SMARCA2: variants seen among roughly 807,000 people sequenced by gnomAD.
SMARCA2 encodes SWI/SNF related BAF chromatin remodeling complex subunit ATPase 2, also known as SWI/SNF-related matrix-associated actin-dependent regulator of chromatin subfamily A member 2.
Under a neutral mutation model 199.8 loss-of-function variants are expected in SMARCA2, and 61 were observed. The ratio of observed to expected loss-of-function variants is 0.31; its 90% CI spans 0.25 to 0.38. The LOEUF (loss-of-function observed/expected upper bound fraction) is 0.38, where lower values mean the gene tolerates loss of function less well. SMARCA2 is among the 10% of genes least tolerant of loss of function. SMARCA2 has a pLI of 1.00. For synonymous variants in SMARCA2, 935 were observed against 732.0 expected (o/e 1.28, Z -4.48); for missense variants, 1,344 against 2,012.2 (o/e 0.67, Z 6.35).
intron 19 of SMARCA2, among the ~76,000 whole-genome samples, chr9:2,089,581 A>G (rs1412985844): frequency 1.3e-5 from 2 of 152,166 alleles, no homozygotes; most frequent in African/African-American, 2.4e-5. Flanking sequence ...TCCTTTATGC[A>G]TTGTCAGAAA....
chr9:2,161,296 G>A lies in SMARCA2; in HGVS notation c.3982-390G>A, dbSNP rs188569502. ...ATTGTTTTTTCATAACCCACCCCTCGTTTTGTTTACCTTTTCCTTCCCTTA... is the reference window on the plus strand; with the variant it reads ...ATTGTTTTTTCATAACCCACCCCTCATTTTGTTTACCTTTTCCTTCCCTTA... On this transcript the variant is annotated intron_variant, in intron 27 of 33. Coordinates refer to ENST00000349721, the MANE Select transcript of SMARCA2 (RefSeq NM_003070.5). This position sits in a 1 kb window ranked among gnomAD's most constrained non-coding sequence, Gnocchi z 4.7. 5.3e-5 allele frequency among the ~76,000 whole-genome samples: 8 copies of A among 152,206 alleles called. No homozygotes were observed. The highest frequency in any genetic ancestry group is 1.9e-4 in the East Asian group (1 of 5,186).
chr9:2,033,226 C>A (rs1413115209), intron 3 of SMARCA2, 145 bp downstream of exon 3: 1 of 794,858 alleles, frequency 1.3e-6, no homozygotes, highest in Non-Finnish European at 2.0e-6. Flanking sequence ...AAATCTACCT[C>A]CGTCCTCACC....
At chr9:2,064,977 G>C (rs1332489599) in intron 9 of SMARCA2, among the ~76,000 whole-genome samples, 1 of 152,222 alleles carries the variant, frequency 6.6e-6, no homozygotes, top group African/African-American at 2.4e-5. Flanking sequence ...GAAGTCAGGA[G>C]ATCGAGACCA....
chr9:2,043,737 T>A (rs1819712668), intron 4 of SMARCA2: 3 of 152,184 alleles, frequency 2.0e-5, no homozygotes, highest in African/African-American at 7.2e-5. Context: ...GAGACTTGGG[T>A]ATTTTAATAC....
intron 29 of SMARCA2, among the ~76,000 whole-genome samples, chr9:2,180,436 G>C (rs1269631012): frequency 3.9e-5 from 6 of 152,020 alleles, no homozygotes; most frequent in African/African-American, 1.5e-4. Context: ...TATACAACTG[G>C]GACTGTGGAT....
intron 5 of SMARCA2, among the ~76,000 whole-genome samples, chr9:2,048,745 C>T (rs1208608579): frequency 6.6e-6 from 1 of 152,090 alleles, no homozygotes; most frequent in African/African-American, 2.4e-5. Context: ...ATTGCTATTT[C>T]CACCATTTCA....
chr9:2,148,650 A>T (rs182766157), intron 27 of SMARCA2, among the ~76,000 whole-genome samples: 1 of 151,204 alleles, frequency 6.6e-6, no homozygotes, highest in African/African-American at 2.4e-5. Context: ...TCTGAGACAC[A>T]CGCACATGCC....
chr9:2,086,752 G>C lies in SMARCA2; in HGVS notation c.2527-77G>C. 11 of 1,545,342 alleles carry C rather than the reference G, an allele frequency of 7.1e-6. No individual in the cohort carries two copies. Among genetic ancestry groups the C allele is most frequent in the South Asian group, 1.2e-5 (1 of 86,190 alleles). Reference sequence around the variant, plus strand: ...CCAAGGATGGGTTCTTTGGTTTTCCGCACCACCACTTGCTTGTTGGAAATA... The same window carrying C: ...CCAAGGATGGGTTCTTTGGTTTTCCCCACCACCACTTGCTTGTTGGAAATA... On this transcript the variant is annotated intron_variant, in intron 17 of 33. Coordinates refer to ENST00000349721, the MANE Select transcript of SMARCA2 (RefSeq NM_003070.5). The surrounding 1 kb of genome is among the most constrained non-coding windows in gnomAD (Gnocchi z 4.3).
At chr9:2,105,584 A>G (rs992482752) in intron 23 of SMARCA2, among the ~76,000 whole-genome samples, 1 of 152,154 alleles carries the variant, frequency 6.6e-6, no homozygotes. Context: ...AAATTACGTA[A>G]TGAATGAATG....
chr9:2,175,076 G>A (rs1826483653), intron 29 of SMARCA2, among the ~76,000 whole-genome samples: 2 of 152,054 alleles, frequency 1.3e-5, no homozygotes, highest in African/African-American at 4.8e-5. Context: ...CTACAAGGTG[G>A]GGTGGGAAAA....
In SMARCA2 at chr9:2,081,940, T is replaced by C; in HGVS notation, c.2293T>C (p.Tyr765His). 1 of 1,613,978 alleles carries C rather than the reference T, an allele frequency of 6.2e-7. No individual in the cohort carries two copies. Among genetic ancestry groups the C allele is most frequent in the Non-Finnish European group, 8.5e-7 (1 of 1,179,880 alleles). ...KTIQTIALIT[Y>H]LMEHKRLNGP... ...CATACAGACCATTGCACTCATCACT[T>C]ATCTGATGGAGCACAAAAGACTCAA... is the stretch of plus-strand genomic sequence containing the variant. The change falls in exon 15 of 34, where the codon TAT becomes CAT. Residue 765 changes from tyrosine to histidine, a missense_variant. Physicochemically the swap from Tyr to His is moderately conservative, Grantham distance 83. Around this residue, in one of 18 missense-constraint regions of SMARCA2, gnomAD observed 50 missense variants for 81.6 expected, o/e 0.61. Coordinates refer to ENST00000349721, the MANE Select transcript of SMARCA2 (RefSeq NM_003070.5).
chr9:2,149,617 A>T (rs1279157903), intron 27 of SMARCA2, among the ~76,000 whole-genome samples: 1 of 151,618 alleles, frequency 6.6e-6, no homozygotes, highest in African/African-American at 2.4e-5. Context: ...CGCTCCCATG[A>T]TTCAAATTAT....
Position 2,158,077 on chromosome 9 carries a change from G to A in SMARCA2, c.3982-3609G>A, listed in dbSNP as rs72691203. 9.6e-3 allele frequency among the ~76,000 whole-genome samples: 1,422 copies of A among 147,652 alleles called. 26 individuals are homozygous for A. The highest frequency in any genetic ancestry group is 0.01 in the Non-Finnish European group (696 of 67,402). The stretch of plus-strand genomic sequence containing the variant: ...AACTAATTGAAGAGGGAGCTAGTTT[G>A]CATCTCGTTCTTGCACACCCTGAGT... On this transcript the variant is annotated intron_variant, in intron 27 of 33. Coordinates refer to ENST00000349721, the MANE Select transcript of SMARCA2 (RefSeq NM_003070.5).
Position 2,077,573 on chromosome 9 carries a change from A to G in SMARCA2, c.2037-56A>G, listed in dbSNP as rs538794589. On this transcript the variant is annotated intron_variant, in intron 13 of 33. Coordinates refer to ENST00000349721, the MANE Select transcript of SMARCA2 (RefSeq NM_003070.5). ...CTCAAATCATTTTTTGAGTGAAGTAAAACAACACATGCACGCACATGTCTG... is the reference window on the plus strand; with the variant it reads ...CTCAAATCATTTTTTGAGTGAAGTAGAACAACACATGCACGCACATGTCTG... 142 of 1,561,234 alleles carry G rather than the reference A, an allele frequency of 9.1e-5. No individual in the cohort carries two copies. The South Asian group carries it at 1.6e-3, about 17-fold the overall frequency.
At chr9:2,140,641 A>C (rs752978685) in intron 27 of SMARCA2, among the ~76,000 whole-genome samples, 5 of 152,242 alleles carry the variant, frequency 3.3e-5, no homozygotes, top group Non-Finnish European at 7.3e-5. Flanking sequence ...AGAAGAGTGA[A>C]GAAAGAAACT....
At position 2,193,234 on chromosome 9, in the gene SMARCA2, G is replaced by A. The variant is rs1032836211; in HGVS notation, c.*495G>A. On this transcript the variant is annotated 3_prime_UTR_variant, in exon 34 of 34. Transcript: ENST00000349721. ...GTACATATAAGCAACTTTAATAGGT[G>A]ATAAATGTACAGTAGTTAGATTTCA... 6.5e-6 allele frequency: 1 copy of A among 153,296 alleles called. No homozygotes were observed. Among genetic ancestry groups the A allele is most frequent in the Non-Finnish European group, 1.5e-5 (1 of 68,604 alleles). 9.5% of individuals were successfully genotyped at this position (153,296 alleles called of 1,614,324 possible). A position where few individuals can be genotyped will look rare whatever the true frequency, so the allele number is the denominator to read the frequency against.
chr9:2,102,229 G>A (rs963234827), intron 22 of SMARCA2, among the ~76,000 whole-genome samples: 11 of 151,882 alleles, frequency 7.2e-5, no homozygotes, highest in African/African-American at 1.7e-4. Context: ...TCCCAAGGGC[G>A]GACAGTTTCA....
intron 1 of SMARCA2, among the ~76,000 whole-genome samples, chr9:2,028,195 AG>A (rs1466534922): frequency 6.6e-6 from 1 of 152,194 alleles, no homozygotes; most frequent in Non-Finnish European, 1.5e-5. Context: ...TAACTGTCTG[AG>A]GGGGTCTCTG....
chr9:2,122,815 C>T (rs945145841), intron 26 of SMARCA2, among the ~76,000 whole-genome samples: 6 of 152,110 alleles, frequency 3.9e-5, no homozygotes, highest in South Asian at 2.1e-4. Flanking sequence ...TGACACATCT[C>T]GCTAGTGTTT....
Sources: gnomAD v4.1 joint callset for allele counts (sites outside exome capture counted in the v4.1 genomes callset) on GRCh38, gnomAD v4.1.1 for gene constraint, gnomAD v4.1.1 regional missense constraint, Gnocchi (gnomAD v3.1) non-coding constraint, MANE v1.5 for transcripts, NCBI Gene and HGNC (gene_info 2026-07-23, HGNC 2026-07-21) for gene names.